The following THADA variants were observed in gnomAD, a reference collection of about 807,000 sequenced individuals.
The protein encoded by THADA is tRNA (32-2'-O)-methyltransferase regulator THADA.
THADA carries 213 observed loss-of-function variants against 219.8 expected under a neutral mutation model. The observed-to-expected ratio is 0.97, with a 90% CI of 0.87 to 1.09. THADA has a LOEUF of 1.09. Among genes scored for constraint, THADA ranks in the 50% least tolerant of loss-of-function variants. THADA has a pLI of 0.00. For synonymous variants in THADA, 1,018 were observed against 828.9 expected, an observed-to-expected ratio of 1.23 and a Z score of -3.92; for missense variants, 2,956 against 2,311.3, an observed-to-expected ratio of 1.28 and a Z score of -5.72.
At chr2:43,478,116 A>C (rs1466139010) in intron 26 of THADA, among the ~76,000 whole-genome samples, 1 of 152,192 alleles carries the variant, frequency 6.6e-6, no homozygotes, top group Admixed American at 6.5e-5. Context: ...AACTCCTTGA[A>C]ATCTCAGACA....
At chr2:43,510,928 G>A (rs553233267) in intron 22 of THADA, among the ~76,000 whole-genome samples, 3 of 151,272 alleles carry the variant, frequency 2.0e-5, no homozygotes, top group South Asian at 2.1e-4. Flanking sequence ...CCAAGATGGC[G>A]CCACTGCACT....
At chr2:43,350,145 T>C (rs985509542) in intron 29 of THADA, among the ~76,000 whole-genome samples, 2 of 152,132 alleles carry the variant, frequency 1.3e-5, no homozygotes, top group African/African-American at 2.4e-5. Flanking sequence ...CAGCCTGTAG[T>C]TGGGAATGTG....
intron 26 of THADA, among the ~76,000 whole-genome samples, chr2:43,432,892 T>C (rs559831602): frequency 6.6e-6 from 1 of 152,370 alleles, no homozygotes; most frequent in South Asian, 2.1e-4. Context: ...TATATATGCA[T>C]GGCATATACC....
intron 30 of THADA, among the ~76,000 whole-genome samples, chr2:43,329,000 G>A (rs1332848978): frequency 6.6e-6 from 1 of 152,148 alleles, no homozygotes; most frequent in East Asian, 1.9e-4. Context: ...AGCTATGTGC[G>A]GAGAATGATG....
intron 24 of THADA, among the ~76,000 whole-genome samples, chr2:43,501,038 G>A (rs908451328): frequency 6.6e-6 from 1 of 151,966 alleles, no homozygotes; most frequent in African/African-American, 2.4e-5. Context: ...AGGCATGGTG[G>A]CTCAAGCCTG....
chr2:43,279,731 G>A lies in THADA; in HGVS notation c.5296+34C>T, dbSNP rs776981714. 4.9e-5 allele frequency: 75 copies of A among 1,539,442 alleles called. No individual in the cohort carries two copies. In the Middle Eastern group the frequency reaches 1.2e-3, roughly 24 times the overall value. ...AGTGTTCCAACCTCTATCCTGCAGC[G>A]ATAAGACAATGCAAAAGGATAAGAA... On this transcript the variant is annotated intron_variant, in intron 36 of 37. Transcript: ENST00000405975.
intron 26 of THADA, among the ~76,000 whole-genome samples, chr2:43,470,938 C>G (rs973319314): frequency 6.6e-6 from 1 of 152,128 alleles, no homozygotes; most frequent in African/African-American, 2.4e-5. Context: ...CAGAGCTCAT[C>G]TATGGGATGG....
intron 29 of THADA, among the ~76,000 whole-genome samples, chr2:43,390,810 C>T (rs1182548063): frequency 3.3e-5 from 5 of 152,246 alleles, no homozygotes; most frequent in African/African-American, 4.8e-5. Context: ...GTGCCTGGCA[C>T]GTAGCTGGTG....
intron 21 of THADA, among the ~76,000 whole-genome samples, chr2:43,539,437 G>C (rs1014474503): frequency 6.6e-6 from 1 of 152,172 alleles, no homozygotes; most frequent in Non-Finnish European, 1.5e-5. Context: ...TTTAAAAGCA[G>C]GAATTCTCCA....
In THADA at chr2:43,287,077, G is replaced by A. The variant is rs776660711; in HGVS notation, c.5011-16C>T. On this transcript the variant is annotated splice_polypyrimidine_tract_variant and intron_variant, in intron 34 of 37. Transcript: ENST00000405975. ...ATTCCCTGTTCTAAAAGCACAAAAT[G>A]TACCTATCAGTAGTTCAGAAGATGC... The A allele has an allele frequency of 2.5e-6, 4 of 1,601,908 alleles. No homozygotes were observed. Among genetic ancestry groups the A allele is most frequent in the African/African-American group, 2.7e-5 (2 of 74,768 alleles).
chr2:43,555,568 G>T (rs935725998), intron 17 of THADA, among the ~76,000 whole-genome samples: 2 of 151,914 alleles, frequency 1.3e-5, no homozygotes, highest in Admixed American at 1.3e-4. Flanking sequence ...GGTCTCCTTT[G>T]AAATCCAGCT....
rs1680242269 is a variant in THADA, at chr2:43,437,258, TTAAGA to T, written c.3837-6961_3837-6957del. ...TTTTCTTAGACTTCCAATCTACAGG[TTAAGA>T]TAAGATAAGATAAAGTCTGTATAAT... On this transcript the variant is annotated intron_variant, in intron 26 of 37. Transcript: ENST00000405975. Among the ~76,000 whole-genome samples the T allele has an allele frequency of 2.0e-5, 3 of 152,280 alleles. No individual in the cohort carries two copies. In the South Asian group the frequency reaches 6.2e-4, roughly 32 times the overall value.
chr2:43,492,827 A>C (rs1403130499), intron 25 of THADA, among the ~76,000 whole-genome samples: 3 of 152,190 alleles, frequency 2.0e-5, no homozygotes, highest in Non-Finnish European at 4.4e-5. Flanking sequence ...CCCTCTTCCA[A>C]AGTAGCAAGA....
intron 36 of THADA, among the ~76,000 whole-genome samples, chr2:43,261,821 G>C (rs1404766328): frequency 1.3e-5 from 2 of 152,170 alleles, no homozygotes; most frequent in African/African-American, 2.4e-5. Context: ...ATTTTTAGTA[G>C]AGACGGGGTT....
chr2:43,287,254 C>T (rs954265766), intron 34 of THADA, among the ~76,000 whole-genome samples, 193 bp from the exon 35 acceptor site: 7 of 152,072 alleles, frequency 4.6e-5, no homozygotes, highest in African/African-American at 9.7e-5. Context: ...ACTTGTCTTT[C>T]GGTAAGATGG....
chr2:43,250,899 AT>A (rs1669744080), intron 36 of THADA, among the ~76,000 whole-genome samples: 1 of 152,112 alleles, frequency 6.6e-6, no homozygotes, highest in Admixed American at 6.5e-5. Flanking sequence ...TTCAATGAGT[AT>A]TTCTCCCCAG....
chr2:43,306,137 G>A (rs1224358998), intron 31 of THADA, among the ~76,000 whole-genome samples: 1 of 152,054 alleles, frequency 6.6e-6, no homozygotes, highest in Non-Finnish European at 1.5e-5. Flanking sequence ...CTCAGTCCCA[G>A]GGAGCTGTGA....
rs1311329554 is a variant in THADA at position 43,577,147 on chromosome 2, C to CT, written c.911dup (p.Ser305ValfsTer44). The stretch of plus-strand genomic sequence containing the variant: ...CCTGACAGAGGAATAAGACAGCTGA[C>CT]TGAGAGATGTCACCACAACAGAGGC... On this transcript the variant is annotated frameshift_variant, in exon 10 of 38. Coordinates refer to ENST00000405975, the MANE Select transcript of THADA (RefSeq NM_022065.5). LOFTEE classifies it high-confidence loss of function. The CT allele has an allele frequency of 1.2e-6, 2 of 1,611,128 alleles. No individual in the cohort carries two copies. Among genetic ancestry groups the CT allele is most frequent in the Non-Finnish European group, 1.7e-6 (2 of 1,178,866 alleles).
intron 28 of THADA, among the ~76,000 whole-genome samples, chr2:43,404,311 G>A (rs972350634): frequency 1.9e-4 from 29 of 151,638 alleles, no homozygotes; most frequent in Middle Eastern, 3.4e-3. Context: ...TCCCACCTCA[G>A]CCTCCTGAAT....
Sources: gnomAD v4.1 joint callset for allele counts (sites outside exome capture counted in the v4.1 genomes callset) on GRCh38, gnomAD v4.1.1 for gene constraint, MANE v1.5 for transcripts, NCBI Gene and HGNC (gene_info 2026-07-23, HGNC 2026-07-21) for gene names.